The following SORCS3 variants were observed in gnomAD, a reference collection of about 807,000 sequenced individuals.
SORCS3 encodes VPS10 domain-containing receptor SorCS3.
A neutral mutation model predicts 146.3 loss-of-function variants in SORCS3; 57 were observed. The ratio of observed to expected loss-of-function variants is 0.39; its 90% CI spans 0.31 to 0.49. The LOEUF is 0.49. SORCS3 is among the 20% of genes least tolerant of loss of function. The pLI, the probability that SORCS3 is intolerant of heterozygous loss-of-function variation, is 0.92. For synonymous variants in SORCS3, 653 were observed against 618.5 expected (o/e 1.06, Z -0.83); for missense variants, 1,341 against 1,575.5 (o/e 0.85, Z 2.52).
intron 4 of SORCS3, among the ~76,000 whole-genome samples, chr10:104,978,522 T>G (rs920669644): frequency 2.0e-5 from 3 of 152,190 alleles, no homozygotes; most frequent in African/African-American, 7.2e-5. Flanking sequence ...GTATTCCCTA[T>G]CTCTAGCCAT....
chr10:104,842,875 A>T lies in SORCS3; in HGVS notation c.695+16A>T. Reference sequence around the variant, plus strand: ...CACTATGGAGGTAAGCAGATTAGAGATTCTTAAGGAGCCACCCTGGCTTGG... The same window carrying T: ...CACTATGGAGGTAAGCAGATTAGAGTTTCTTAAGGAGCCACCCTGGCTTGG... On this transcript the variant is annotated intron_variant, in intron 2 of 26. Transcript: ENST00000369701. 1 of 1,607,912 alleles carries T rather than the reference A, an allele frequency of 6.2e-7. No individual in the cohort carries two copies. Among genetic ancestry groups the T allele is most frequent in the East Asian group, 2.2e-5 (1 of 44,830 alleles).
intron 1 of SORCS3, among the ~76,000 whole-genome samples, chr10:104,725,415 C>T (rs181273218): frequency 1.3e-5 from 2 of 152,304 alleles, no homozygotes; most frequent in African/African-American, 2.4e-5. Context: ...TTAGGCTACT[C>T]GGGAATCAGG....
At chr10:105,013,687 T>C (rs1463127490) in intron 4 of SORCS3, among the ~76,000 whole-genome samples, 1 of 152,024 alleles carries the variant, frequency 6.6e-6, no homozygotes, top group Non-Finnish European at 1.5e-5. Flanking sequence ...GAAAAACAAT[T>C]TGAATGAATT....
chr10:104,746,701 ACT>A (rs927532670), intron 1 of SORCS3, among the ~76,000 whole-genome samples: 37 of 151,714 alleles, frequency 2.4e-4, no homozygotes, highest in Admixed American at 4.6e-4. Context: ...CCCTCATTCT[ACT>A]CTCTGTTTCT....
At chr10:104,880,706 A>G (rs920225895) in intron 2 of SORCS3, among the ~76,000 whole-genome samples, 1 of 152,126 alleles carries the variant, frequency 6.6e-6, no homozygotes, top group African/African-American at 2.4e-5. Flanking sequence ...CAAGTACATT[A>G]TCCAGCCCTC....
chr10:104,653,858 T>A (rs2015592758), intron 1 of SORCS3, among the ~76,000 whole-genome samples: 1 of 152,214 alleles, frequency 6.6e-6, no homozygotes, highest in Non-Finnish European at 1.5e-5. Context: ...AAAATTATTA[T>A]TGACTCTAGT....
chr10:105,113,185 G>C (rs2055870315), intron 7 of SORCS3, among the ~76,000 whole-genome samples: 1 of 152,172 alleles, frequency 6.6e-6, no homozygotes, highest in Non-Finnish European at 1.5e-5. Context: ...ACTTTTTGCA[G>C]CCCTGTTGGC....
intron 10 of SORCS3, among the ~76,000 whole-genome samples, chr10:105,158,054 T>C (rs2056227692): frequency 6.6e-6 from 1 of 152,208 alleles, no homozygotes. Context: ...TAGCGCTCTT[T>C]CCCTTTGTAA....
intron 8 of SORCS3, among the ~76,000 whole-genome samples, chr10:105,145,581 AG>A (rs1324735679): frequency 3.9e-5 from 6 of 152,278 alleles, no homozygotes; most frequent in Admixed American, 2.6e-4. Context: ...GCATTTTAAC[AG>A]GGTAAGTGAA....
intron 1 of SORCS3, among the ~76,000 whole-genome samples, chr10:104,694,124 G>A (rs767440016): frequency 1.3e-5 from 2 of 150,432 alleles, no homozygotes; most frequent in Non-Finnish European, 3.0e-5. Flanking sequence ...TCTTCTGCTT[G>A]ATAGATTGCT....
chr10:105,094,035 T>C (rs2055728765), intron 6 of SORCS3, among the ~76,000 whole-genome samples: 1 of 152,212 alleles, frequency 6.6e-6, no homozygotes. Context: ...CAACATAGGA[T>C]GCTACTCGGT....
At chr10:105,030,375 A>G (rs144294986) in intron 4 of SORCS3, among the ~76,000 whole-genome samples, 139 of 152,096 alleles carry the variant, frequency 9.1e-4, no homozygotes, top group African/African-American at 3.2e-3. Flanking sequence ...GGATGTCTGG[A>G]TTCTCTTCTA....
intron 2 of SORCS3, among the ~76,000 whole-genome samples, chr10:104,898,003 C>G (rs1411174454): frequency 6.6e-6 from 1 of 152,208 alleles, no homozygotes; most frequent in Admixed American, 6.5e-5. Flanking sequence ...CCTTTGCACC[C>G]TTGACAGAAT....
At chr10:104,910,482 A>G (rs954709235) in intron 2 of SORCS3, among the ~76,000 whole-genome samples, 5 of 152,238 alleles carry the variant, frequency 3.3e-5, no homozygotes, top group Admixed American at 3.3e-4. Context: ...ATAAGCTGAA[A>G]CACTAGATAG....
chr10:104,979,390 T>C (rs552249834), intron 4 of SORCS3, among the ~76,000 whole-genome samples: 2 of 152,354 alleles, frequency 1.3e-5, no homozygotes, highest in East Asian at 3.9e-4. Context: ...CAAACTATTA[T>C]GTAATAATGT....
intron 14 of SORCS3, among the ~76,000 whole-genome samples, chr10:105,182,177 G>T (rs924436069): frequency 6.9e-6 from 1 of 144,764 alleles, no homozygotes; most frequent in African/African-American, 2.5e-5. Flanking sequence ...AATTTAGTCT[G>T]ATTTGGAGGA....
intron 1 of SORCS3, among the ~76,000 whole-genome samples, chr10:104,840,016 G>A (rs995375656): frequency 1.3e-5 from 2 of 152,198 alleles, no homozygotes; most frequent in African/African-American, 4.8e-5. Flanking sequence ...AAGGAGTCCT[G>A]TCACCCAGGA....
chr10:105,079,025 T>C (rs1306465839), intron 5 of SORCS3, among the ~76,000 whole-genome samples: 1 of 152,188 alleles, frequency 6.6e-6, no homozygotes, highest in Non-Finnish European at 1.5e-5. Flanking sequence ...TAAAAGCTAT[T>C]GATTCCTGGA....
intron 1 of SORCS3, among the ~76,000 whole-genome samples, chr10:104,725,967 C>T (rs781244021): frequency 9.2e-5 from 14 of 152,330 alleles, no homozygotes; most frequent in East Asian, 3.9e-4. Context: ...ATGCTCAGTG[C>T]GCTGCACCCA....
Sources: allele counts gnomAD v4.1 joint callset (sites outside exome capture counted in the v4.1 genomes callset), GRCh38; gene constraint gnomAD v4.1.1; transcripts MANE v1.5; gene names NCBI Gene and HGNC (gene_info 2026-07-23, HGNC 2026-07-21).